GABRG1: variants seen among roughly 807,000 people sequenced by gnomAD.
GABRG1 encodes gamma-aminobutyric acid receptor subunit gamma-1.
A neutral mutation model predicts 49.8 loss-of-function variants in GABRG1; 49 were observed. The observed-to-expected ratio is 0.98, with a 90% confidence interval of 0.78 to 1.25. The LOEUF is 1.25. Among genes scored for constraint, GABRG1 ranks in the 50% most tolerant of loss-of-function variants. The pLI is 0.00. For synonymous variants in GABRG1, 232 were observed against 185.1 expected, an observed-to-expected ratio of 1.25 and a Z score of -2.06; for missense variants, 552 against 552.3, an observed-to-expected ratio of 1.00 and a Z score of 0.01.
At chr4:46,123,301 T>G (rs1319071914) in intron 1 of GABRG1, among the ~76,000 whole-genome samples, 1 of 152,104 alleles carries the variant, frequency 6.6e-6, no homozygotes, top group East Asian at 1.9e-4. Context: ...TTTAGCCAGA[T>G]TTACAATATT....
At position 46,100,724 on chromosome 4, in the gene GABRG1, C is replaced by G. The variant is rs1296150061; in HGVS notation, c.105-3375G>C. On this transcript the variant is annotated intron_variant, in intron 1 of 8. Transcript: ENST00000295452. ...AGATTTTAGAAAAAAAAAAAAAAAG[C>G]TTTTTCTGTTTTTTTTTTTATGGTG... Among the ~76,000 whole-genome samples, 4 of 104,234 alleles carry G rather than the reference C, an allele frequency of 3.8e-5. 1 individual carries two copies. The highest frequency in any genetic ancestry group is 3.0e-4 in the Admixed American group (3 of 10,122). The allele number at this position is 104,234 out of a possible 152,430, so 68.4% of individuals were successfully genotyped here.
chr4:46,091,373 G>A (rs559613257), intron 2 of GABRG1, among the ~76,000 whole-genome samples: 1 of 151,800 alleles, frequency 6.6e-6, no homozygotes, highest in Admixed American at 6.6e-5. Flanking sequence ...TACCCTACTC[G>A]CATTCAACAC....
chr4:46,088,815 T>TG (rs35197192), intron 2 of GABRG1, among the ~76,000 whole-genome samples: 26,141 of 131,166 alleles, frequency 0.2, 3,049 homozygotes, highest in Non-Finnish European at 0.27. Flanking sequence ...TTGTGTGTGT[T>TG]TGTGTGTGTG....
intron 2 of GABRG1, among the ~76,000 whole-genome samples, chr4:46,091,544 G>A (rs140801324): frequency 6.6e-6 from 1 of 151,972 alleles, no homozygotes; most frequent in Non-Finnish European, 1.5e-5. Context: ...TAGAAGAAAA[G>A]ATTGCAAATA....
intron 3 of GABRG1, among the ~76,000 whole-genome samples, chr4:46,077,530 T>TA (rs990692626): frequency 6.6e-6 from 1 of 151,948 alleles, no homozygotes; most frequent in African/African-American, 2.4e-5. Flanking sequence ...TCTTTTATAA[T>TA]AAAAAACTAT....
chr4:46,117,345 G>C (rs1385540744), intron 1 of GABRG1, among the ~76,000 whole-genome samples: 1 of 150,152 alleles, frequency 6.7e-6, no homozygotes, highest in Non-Finnish European at 1.5e-5. Context: ...AGAATACATT[G>C]TTTCTGGGAG....
chr4:46,081,274 C>G (rs562394468), intron 3 of GABRG1, among the ~76,000 whole-genome samples: 2 of 151,952 alleles, frequency 1.3e-5, no homozygotes, highest in African/African-American at 2.4e-5. Flanking sequence ...CAACTTTTCC[C>G]TGAATCTTAG....
chr4:46,049,148 G>A (rs533798682), intron 8 of GABRG1, among the ~76,000 whole-genome samples: 1 of 152,016 alleles, frequency 6.6e-6, no homozygotes, highest in East Asian at 1.9e-4. Flanking sequence ...AAAGGCGGAA[G>A]GAGGGGGTGA....
rs1319410752 is a variant in GABRG1, at chr4:46,037,621, T to C, written c.*3367A>G. On this transcript the variant is annotated 3_prime_UTR_variant, in exon 9 of 9. Transcript: ENST00000295452. ...AATGAAATAATTTCAAATGTAGTAT[T>C]TTTTTACAGGAAATTTTGTAAGAGT... The C allele has an allele frequency of 6.6e-6, 1 of 151,700 alleles. No homozygotes were observed. Among genetic ancestry groups the C allele is most frequent in the African/African-American group, 2.4e-5 (1 of 41,384 alleles). The allele number at this position is 151,700 out of a possible 1,614,324, so 9.4% of individuals were successfully genotyped here. A position where few individuals can be genotyped will look rare whatever the true frequency, so the allele number is the denominator to read the frequency against.
chr4:46,118,736 T>C, intron 1 of GABRG1, among the ~76,000 whole-genome samples: 1 of 151,220 alleles, frequency 6.6e-6, no homozygotes, highest in African/African-American at 2.4e-5. Flanking sequence ...GCTAAGGCTA[T>C]TTCTTGAAAC....
intron 3 of GABRG1, among the ~76,000 whole-genome samples, chr4:46,078,942 T>C (rs575752031): frequency 3.2e-4 from 48 of 152,098 alleles, no homozygotes; most frequent in African/African-American, 1.1e-3. Context: ...ACATTAAGGT[T>C]GGATACTTGG....
chr4:46,064,342 A>G (rs1398279608), intron 5 of GABRG1, 99 bp downstream of exon 5: 4 of 641,634 alleles, frequency 6.2e-6, no homozygotes, highest in Non-Finnish European at 1.1e-5. Flanking sequence ...CATAACTCAC[A>G]CTTTTGAAAA....
rs1245995546 is a variant in GABRG1 at position 46,040,256 on chromosome 4, T to G, written c.*732A>C. The stretch of plus-strand genomic sequence containing the variant: ...GCTATGAAGCAGAGAATAAAATGGT[T>G]AGATTTTACCTGATTTTTTCATCTT... On this transcript the variant is annotated 3_prime_UTR_variant, in exon 9 of 9. Transcript: ENST00000295452. The G allele has an allele frequency of 6.6e-6, 1 of 151,998 alleles. No homozygotes were observed. The highest frequency in any genetic ancestry group is 1.5e-5 in the Non-Finnish European group (1 of 67,898). 9.4% of individuals were successfully genotyped at this position (151,998 alleles called of 1,614,324 possible).
At chr4:46,069,396 C>T (rs1168950011) in intron 3 of GABRG1, among the ~76,000 whole-genome samples, 1 of 151,952 alleles carries the variant, frequency 6.6e-6, no homozygotes, top group African/African-American at 2.4e-5. Flanking sequence ...AATTAAATAC[C>T]TTTAGTGGTA....
intron 1 of GABRG1, among the ~76,000 whole-genome samples, chr4:46,111,776 T>C (rs550228924): frequency 1.3e-5 from 2 of 151,104 alleles, no homozygotes; most frequent in Non-Finnish European, 3.0e-5. Flanking sequence ...GCTGGAATAG[T>C]TGGCTAGCCA....
intron 2 of GABRG1, among the ~76,000 whole-genome samples, chr4:46,096,019 A>G (rs1204053560): frequency 1.3e-5 from 2 of 151,648 alleles, no homozygotes; most frequent in African/African-American, 4.8e-5. Context: ...GTGTTCATGA[A>G]TTCTCATCAT....
intron 2 of GABRG1, among the ~76,000 whole-genome samples, chr4:46,092,674 T>C (rs1720031016): frequency 6.6e-6 from 1 of 152,034 alleles, no homozygotes; most frequent in South Asian, 2.1e-4. Context: ...ACTTGATAAT[T>C]AGGAAATAGG....
intron 5 of GABRG1, among the ~76,000 whole-genome samples, chr4:46,064,240 A>C (rs1301379085): frequency 6.6e-6 from 1 of 152,118 alleles, no homozygotes; most frequent in South Asian, 2.1e-4. Flanking sequence ...TTAATAAAAT[A>C]TATGCATTCA....
intron 3 of GABRG1, among the ~76,000 whole-genome samples, chr4:46,073,157 C>T (rs936992706): frequency 1.3e-5 from 2 of 151,808 alleles, no homozygotes; most frequent in Non-Finnish European, 2.9e-5. Flanking sequence ...ATTTGATAGC[C>T]TTTCATTTAA....
Sources: gnomAD v4.1 joint callset for allele counts (sites outside exome capture counted in the v4.1 genomes callset) on GRCh38, gnomAD v4.1.1 for gene constraint, MANE v1.5 for transcripts, NCBI Gene and HGNC (gene_info 2026-07-23, HGNC 2026-07-21) for gene names.